The following MARCHF1 variants were observed in gnomAD, a reference collection of about 807,000 sequenced individuals.
MARCHF1 encodes the protein membrane associated ring-CH-type finger 1.
Under a neutral mutation model 54.2 loss-of-function variants are expected in MARCHF1, and 40 were observed. The observed-to-expected ratio is 0.74, with a 90% CI of 0.57 to 0.96. The LOEUF is 0.96. Among genes scored for constraint, MARCHF1 ranks in the 40% least tolerant of loss-of-function variants. The pLI, the probability that MARCHF1 is intolerant of heterozygous loss-of-function variation, is 0.00. For synonymous variants in MARCHF1, 236 were observed against 236.3 expected (o/e 1.00, Z 0.01); for missense variants, 586 against 656.5 (o/e 0.89, Z 1.17).
intron 1 of MARCHF1, among the ~76,000 whole-genome samples, chr4:164,172,687 G>C (rs1317178766): frequency 6.6e-6 from 1 of 152,116 alleles, no homozygotes; most frequent in Admixed American, 6.5e-5. Context: ...CTTTAAAAAA[G>C]TCACTACAGG....
At chr4:164,367,728 T>C (rs1035229037) in intron 1 of MARCHF1, among the ~76,000 whole-genome samples, 2 of 152,018 alleles carry the variant, frequency 1.3e-5, no homozygotes, top group African/African-American at 4.8e-5. Flanking sequence ...AGGTTGTTTT[T>C]ATTTTTCAGT....
intron 4 of MARCHF1, among the ~76,000 whole-genome samples, chr4:163,741,821 C>T (rs1006415060): frequency 2.0e-5 from 3 of 152,142 alleles, no homozygotes; most frequent in African/African-American, 7.2e-5. Context: ...CCAGCGAAGT[C>T]ACAGGGTTCA....
At chr4:163,641,285 A>T (rs1219993065) in intron 5 of MARCHF1, among the ~76,000 whole-genome samples, 2 of 152,136 alleles carry the variant, frequency 1.3e-5, no homozygotes, top group Non-Finnish European at 2.9e-5. Flanking sequence ...GACAACGCAT[A>T]GGGAAATCAA....
intron 8 of MARCHF1, among the ~76,000 whole-genome samples, chr4:163,556,644 A>G (rs1739300974): frequency 6.6e-6 from 1 of 151,982 alleles, no homozygotes; most frequent in Non-Finnish European, 1.5e-5. Flanking sequence ...AACAGAATAT[A>G]TATTTGTACA....
intron 3 of MARCHF1, among the ~76,000 whole-genome samples, chr4:163,896,741 C>T (rs563026525): frequency 6.6e-6 from 1 of 152,118 alleles, no homozygotes; most frequent in African/African-American, 2.4e-5. Flanking sequence ...GAGAATTGAA[C>T]AAAATGGGAA....
intron 2 of MARCHF1, among the ~76,000 whole-genome samples, chr4:164,059,994 T>G (rs1754580291): frequency 6.6e-6 from 1 of 152,128 alleles, no homozygotes; most frequent in Non-Finnish European, 1.5e-5. Context: ...GTTTTTACTC[T>G]TTGTGTCTCA....
chr4:163,905,570 A>G (rs1276166881), intron 3 of MARCHF1, among the ~76,000 whole-genome samples: 1 of 152,142 alleles, frequency 6.6e-6, no homozygotes, highest in Non-Finnish European at 1.5e-5. Context: ...TGCTGAGAGC[A>G]GGGGAAGGGA....
At chr4:164,107,208 T>C (rs1755725533) in intron 2 of MARCHF1, among the ~76,000 whole-genome samples, 2 of 152,198 alleles carry the variant, frequency 1.3e-5, no homozygotes, top group African/African-American at 4.8e-5. Flanking sequence ...CCATTTGTCA[T>C]ATATCAGTGG....
At chr4:163,946,222 C>T (rs1162352489) in intron 3 of MARCHF1, among the ~76,000 whole-genome samples, 1 of 152,074 alleles carries the variant, frequency 6.6e-6, no homozygotes, top group Non-Finnish European at 1.5e-5. Context: ...ATATTTTCTA[C>T]TATGTGCCTG....
intron 3 of MARCHF1, among the ~76,000 whole-genome samples, chr4:163,882,126 C>T (rs1341121194): frequency 1.3e-5 from 2 of 152,154 alleles, no homozygotes; most frequent in Non-Finnish European, 2.9e-5. Context: ...TACAGTACTT[C>T]ACAGAGCAGA....
At position 163,908,752 on chromosome 4, in the gene MARCHF1, A is replaced by T. The variant is rs553837324; in HGVS notation, c.-38-54583T>A. Among the ~76,000 whole-genome samples the T allele has an allele frequency of 1.6e-4, 25 of 152,284 alleles. No homozygotes were observed. The South Asian group carries it at 5.2e-3, about 32-fold the overall frequency. On this transcript the variant is annotated intron_variant, in intron 3 of 9. Coordinates refer to ENST00000514618, the MANE Select transcript of MARCHF1 (RefSeq NM_001394959.1). Reference sequence around the variant, plus strand: ...CCAGGAGTCTTGGCTAAGGGCTAAAATGTAATCCTGCGAGCATCTCCCCAC... The same window carrying T: ...CCAGGAGTCTTGGCTAAGGGCTAAATTGTAATCCTGCGAGCATCTCCCCAC...
intron 2 of MARCHF1, among the ~76,000 whole-genome samples, chr4:164,017,885 A>G (rs1057240695): frequency 4.6e-5 from 7 of 151,010 alleles, no homozygotes; most frequent in African/African-American, 1.7e-4. Flanking sequence ...AACATGCATT[A>G]TCAGGTTTCA....
chr4:163,812,238 A>G (rs544413277), intron 4 of MARCHF1, among the ~76,000 whole-genome samples: 2 of 151,392 alleles, frequency 1.3e-5, no homozygotes, highest in South Asian at 2.1e-4. Context: ...CTCTTCATCT[A>G]TATCTCTATA....
chr4:164,174,499 T>C (rs892959691), intron 1 of MARCHF1, among the ~76,000 whole-genome samples: 14 of 152,102 alleles, frequency 9.2e-5, no homozygotes, highest in African/African-American at 3.1e-4. Flanking sequence ...TGCAGGGTGA[T>C]TGTGGAGTAC....
chr4:163,620,290 G>A (rs144489755), intron 5 of MARCHF1, among the ~76,000 whole-genome samples: 18 of 145,838 alleles, frequency 1.2e-4, no homozygotes, highest in South Asian at 8.9e-4. Flanking sequence ...GGGAAGCCAC[G>A]CGTTGCTATA....
At chr4:163,809,145 C>T (rs114618861) in intron 4 of MARCHF1, among the ~76,000 whole-genome samples, 1,818 of 152,150 alleles carry the variant, frequency 0.012, 21 homozygotes, top group African/African-American at 0.021. Flanking sequence ...CAACAACACA[C>T]GATTTTAAAC....
At chr4:164,218,411 A>G (rs1731992475) in intron 1 of MARCHF1, among the ~76,000 whole-genome samples, 1 of 152,086 alleles carries the variant, frequency 6.6e-6, no homozygotes, top group African/African-American at 2.4e-5. Flanking sequence ...AGAGAATAAA[A>G]GAAGGGGAGG....
At chr4:164,114,281 A>T (rs1455024296) in intron 1 of MARCHF1, among the ~76,000 whole-genome samples, 1 of 151,934 alleles carries the variant, frequency 6.6e-6, no homozygotes, top group Non-Finnish European at 1.5e-5. Flanking sequence ...TATCTCATTG[A>T]CTTAATGCAC....
intron 8 of MARCHF1, among the ~76,000 whole-genome samples, chr4:163,570,449 C>T (rs963819372): frequency 6.6e-6 from 1 of 152,060 alleles, no homozygotes; most frequent in African/African-American, 2.4e-5. Context: ...CCTCCTTTCC[C>T]TTTCTTGAAA....
Sources: gnomAD v4.1 joint callset for allele counts (sites outside exome capture counted in the v4.1 genomes callset) on GRCh38, gnomAD v4.1.1 for gene constraint, MANE v1.5 for transcripts, NCBI Gene and HGNC (gene_info 2026-07-23, HGNC 2026-07-21) for gene names.